SOX5: variants seen among roughly 807,000 people sequenced by gnomAD.
SOX5 encodes the protein transcription factor SOX-5.
SOX5 carries 9 observed loss-of-function variants against 92.0 expected under a neutral mutation model. The ratio of observed to expected loss-of-function variants is 0.10; its 90% CI spans 0.06 to 0.17. SOX5 has a LOEUF of 0.17. Ranked by LOEUF, SOX5 falls within the 10% of genes least tolerant of loss-of-function variation. The pLI is 1.00. For missense variants in SOX5, 642 were observed against 944.5 expected, an observed-to-expected ratio of 0.68 and a Z score of 4.20; for synonymous variants, 344 against 336.3, an observed-to-expected ratio of 1.02 and a Z score of -0.25.
intron 4 of SOX5, among the ~76,000 whole-genome samples, chr12:24,062,022 C>T (rs1045735109): frequency 6.6e-6 from 1 of 152,050 alleles, no homozygotes; most frequent in African/African-American, 2.4e-5. Context: ...ATTAAAAAAA[C>T]AATATTAACA....
chr12:23,856,189 C>A (rs2096687009), intron 2 of SOX5, among the ~76,000 whole-genome samples: 1 of 152,102 alleles, frequency 6.6e-6, no homozygotes, highest in Admixed American at 6.6e-5. Context: ...CCACAGCACA[C>A]ACAATCACTG....
At chr12:23,956,586 T>C (rs1946309092) in intron 4 of SOX5, among the ~76,000 whole-genome samples, 1 of 152,140 alleles carries the variant, frequency 6.6e-6, no homozygotes, top group Non-Finnish European at 1.5e-5. Context: ...AAATTGTCTT[T>C]CATGAAACTG....
At chr12:24,173,043 G>A (rs1402783265) in intron 4 of SOX5, among the ~76,000 whole-genome samples, 6 of 152,190 alleles carry the variant, frequency 3.9e-5, no homozygotes, top group African/African-American at 1.4e-4. Context: ...GGAGGAAGGG[G>A]TAAAACCTAG....
At chr12:23,698,697 G>T (rs74073224) in intron 6 of SOX5, among the ~76,000 whole-genome samples, 2 of 151,888 alleles carry the variant, frequency 1.3e-5, no homozygotes, top group Non-Finnish European at 2.9e-5. Flanking sequence ...TTTTTTGATC[G>T]AGTGATAAAA....
intron 3 of SOX5, among the ~76,000 whole-genome samples, chr12:23,798,822 C>T (rs2095610933): frequency 1.3e-5 from 2 of 151,860 alleles, no homozygotes; most frequent in South Asian, 4.2e-4. Flanking sequence ...TATTGAGACT[C>T]ATATTAGAAA....
chr12:24,101,204 A>G (rs936262174), intron 4 of SOX5, among the ~76,000 whole-genome samples: 1 of 151,978 alleles, frequency 6.6e-6, no homozygotes, highest in Non-Finnish European at 1.5e-5. Context: ...TCCATCTCCA[A>G]TTTTATCTCC....
At chr12:24,547,178 ATTTTTTTT>A (rs575562827) in intron 1 of SOX5, among the ~76,000 whole-genome samples, 1 of 99,762 alleles carries the variant, frequency 1.0e-5, no homozygotes, top group Non-Finnish European at 2.1e-5. Context: ...GATATCTAAC[ATTTTTTTT>A]TTTTTTTTTT....
intron 4 of SOX5, among the ~76,000 whole-genome samples, chr12:24,142,314 C>A (rs1028021972): frequency 1.3e-5 from 2 of 152,194 alleles, no homozygotes; most frequent in Admixed American, 6.5e-5. Flanking sequence ...ACAATGAACA[C>A]CCAAGGCATG....
intron 2 of SOX5, among the ~76,000 whole-genome samples, chr12:24,324,766 A>G (rs1484755683): frequency 6.6e-6 from 1 of 151,870 alleles, no homozygotes; most frequent in Non-Finnish European, 1.5e-5. Context: ...AACAATACCT[A>G]CCTCATAGGG....
intron 3 of SOX5, among the ~76,000 whole-genome samples, chr12:24,268,479 C>T (rs192421111): frequency 5.9e-5 from 9 of 151,958 alleles, no homozygotes; most frequent in Non-Finnish European, 7.4e-5. Flanking sequence ...CAATTTACAA[C>T]GATTTTTAAA....
At chr12:24,353,409 A>G (rs1392816962) in intron 2 of SOX5, among the ~76,000 whole-genome samples, 1 of 152,170 alleles carries the variant, frequency 6.6e-6, no homozygotes, top group African/African-American at 2.4e-5. Context: ...GTGAAGCAAC[A>G]GGCCTAGAGC....
chr12:24,194,168 A>C (rs1956787351), intron 4 of SOX5, among the ~76,000 whole-genome samples: 1 of 152,166 alleles, frequency 6.6e-6, no homozygotes, highest in Admixed American at 6.5e-5. Context: ...CAAATGGTAG[A>C]TTTTTCTCTG....
intron 4 of SOX5, among the ~76,000 whole-genome samples, chr12:24,171,830 T>A (rs948429023): frequency 5.3e-5 from 8 of 151,914 alleles, no homozygotes; most frequent in Admixed American, 4.6e-4. Context: ...AGACCCTGTC[T>A]CTATTTTTAA....
intron 4 of SOX5, among the ~76,000 whole-genome samples, chr12:24,181,235 T>A (rs955641161): frequency 1.3e-5 from 2 of 152,204 alleles, no homozygotes; most frequent in Non-Finnish European, 2.9e-5. Context: ...TGGCTCCCCA[T>A]TGGGGTCTGA....
chr12:23,707,093 GTATT>G (rs2091479282), intron 6 of SOX5, among the ~76,000 whole-genome samples: 1 of 152,096 alleles, frequency 6.6e-6, no homozygotes, highest in Non-Finnish European at 1.5e-5. Context: ...ATGAAATAAA[GTATT>G]AAATAATTAA....
rs185366522 is a variant in SOX5, at chr12:23,991,275, A to C, written c.-1-95251T>G. 3.8e-4 allele frequency among the ~76,000 whole-genome samples: 57 copies of C among 151,894 alleles called. No homozygotes were observed. In the East Asian group the frequency reaches 0.01, roughly 28 times the overall value. On this transcript the variant is annotated intron_variant, in intron 4 of 4. Transcript: ENST00000446891. Reference sequence around the variant, plus strand: ...CTACTCAGGAGGCTGAGGCAGGAGGATCCCTAAAGCCAGGAGGTCAAGGCT... The same window carrying C: ...CTACTCAGGAGGCTGAGGCAGGAGGCTCCCTAAAGCCAGGAGGTCAAGGCT...
chr12:24,138,590 G>C (rs1000280432), intron 4 of SOX5, among the ~76,000 whole-genome samples: 1 of 151,572 alleles, frequency 6.6e-6, no homozygotes, highest in East Asian at 1.9e-4. Flanking sequence ...GTGTAGAGGA[G>C]GTTGGTGGGG....
chr12:23,782,459 G>A (rs1310106797), intron 3 of SOX5, among the ~76,000 whole-genome samples: 2 of 152,110 alleles, frequency 1.3e-5, no homozygotes, highest in Non-Finnish European at 2.9e-5. Flanking sequence ...AAGTGTTAAC[G>A]TATCCAAAAA....
intron 4 of SOX5, among the ~76,000 whole-genome samples, chr12:24,050,451 C>T (rs928934342): frequency 6.6e-6 from 1 of 152,062 alleles, no homozygotes; most frequent in African/African-American, 2.4e-5. Context: ...TTATATTTTA[C>T]TTTGATTACT....
Sources: allele counts gnomAD v4.1 joint callset (sites outside exome capture counted in the v4.1 genomes callset), GRCh38; gene constraint gnomAD v4.1.1; transcripts MANE v1.5; gene names NCBI Gene and HGNC (gene_info 2026-07-23, HGNC 2026-07-21).